Variants in DNAH6 observed in about 807,000 individuals in gnomAD.
DNAH6 encodes the protein dynein axonemal heavy chain 6.
A neutral mutation model predicts 491.4 loss-of-function variants in DNAH6; 340 were observed. The ratio of observed to expected loss-of-function variants is 0.69; its 90% CI spans 0.63 to 0.76. The LOEUF (loss-of-function observed/expected upper bound fraction) is 0.76. Ranked by LOEUF, DNAH6 falls within the 30% of genes least tolerant of loss-of-function variation. DNAH6 has a pLI of 0.00. For synonymous variants in DNAH6, 1,603 were observed against 1,686.1 expected (o/e 0.95, Z 1.21); for missense variants, 4,443 against 4,972.2 (o/e 0.89, Z 3.20).
At chr2:84,805,057 T>G (rs1344027977) in intron 70 of DNAH6, among the ~76,000 whole-genome samples, 1 of 152,256 alleles carries the variant, frequency 6.6e-6, no homozygotes, top group African/African-American at 2.4e-5. Flanking sequence ...AAGCAATCCC[T>G]TTTGGGCTAA....
intron 29 of DNAH6, among the ~76,000 whole-genome samples, chr2:84,626,808 G>A (rs984343605): frequency 6.6e-6 from 1 of 152,074 alleles, no homozygotes; most frequent in Admixed American, 6.6e-5. Context: ...TCACCATCTT[G>A]GCCAGGCTGG....
At position 84,701,274 on chromosome 2, in the gene DNAH6, T is replaced by G; in HGVS notation, c.7996T>G (p.Ser2666Ala). Residue 2666 changes from serine to alanine, a missense_variant, in exon 49 of 77, where the codon TCC becomes GCC. Ser to Ala is a moderately conservative substitution (Grantham distance 99). Transcript: ENST00000389394. ...LRRRYYTTPTSYLELINLYLS... is the reference protein window; with the variant it reads ...LRRRYYTTPTAYLELINLYLS... ...CAGGCGGTACTACACGACACCCACC[T>G]CCTACCTGGAGCTTATCAATCTTTA... is the stretch of plus-strand genomic sequence containing the variant. The G allele has an allele frequency of 1.3e-6, 2 of 1,551,896 alleles. No individual in the cohort carries two copies. Among genetic ancestry groups the G allele is most frequent in the Non-Finnish European group, 1.7e-6 (2 of 1,147,046 alleles).
At chr2:84,468,518 A>G in the DNAH6 span, among the ~76,000 whole-genome samples, 5 of 152,190 alleles carry the variant, frequency 3.3e-5, no homozygotes, top group African/African-American at 1.2e-4. Flanking sequence ...CAAATGACTG[A>G]TATTTCTGGC....
intron 7 of DNAH6, 49 bp from the exon 8 acceptor site, chr2:84,548,239 G>A (rs1252008859): frequency 1.3e-6 from 2 of 1,532,200 alleles, no homozygotes; most frequent in South Asian, 1.2e-5. Context: ...TGAAAGAGAT[G>A]GAACTTTTAC....
At chr2:84,654,523 C>T in intron 34 of DNAH6, 137 bp from the exon 35 acceptor site, 1 of 1,109,980 alleles carries the variant, frequency 9.0e-7, no homozygotes, top group Non-Finnish European at 1.3e-6. Context: ...ATTGCTCTCC[C>T]ACTCTCTTCC....
intron 13 of DNAH6, 72 bp downstream of exon 13, chr2:84,577,480 C>T: frequency 9.0e-7 from 1 of 1,109,932 alleles, no homozygotes; most frequent in Non-Finnish European, 1.2e-6. Flanking sequence ...TGCACAAAAA[C>T]CTAGTATTTA....
At chr2:84,556,522 C>T (rs1275856487) in intron 10 of DNAH6, among the ~76,000 whole-genome samples, 1 of 152,162 alleles carries the variant, frequency 6.6e-6, no homozygotes. Flanking sequence ...AAAGACTTAC[C>T]TTTTCTTTAT....
chr2:84,774,959 TG>T (rs1675984621), intron 64 of DNAH6, among the ~76,000 whole-genome samples: 2 of 151,856 alleles, frequency 1.3e-5, no homozygotes, highest in Admixed American at 6.6e-5. Flanking sequence ...GAAGAAAGAT[TG>T]TTTGAGTTCT....
At chr2:84,552,449 T>A (rs1679485383) in intron 9 of DNAH6, among the ~76,000 whole-genome samples, 1 of 152,184 alleles carries the variant, frequency 6.6e-6, no homozygotes, top group African/African-American at 2.4e-5. Context: ...AAGAGAAGAA[T>A]AAGGAGGTGA....
At chr2:84,499,579 A>G in the DNAH6 span, among the ~76,000 whole-genome samples, 1 of 152,188 alleles carries the variant, frequency 6.6e-6, no homozygotes, top group Admixed American at 6.5e-5. Flanking sequence ...GCTGGAGCAT[A>G]TGTTAGCTCA....
At position 84,817,824 on chromosome 2, in the gene DNAH6, G is replaced by T. The variant is rs141299789; in HGVS notation, c.12374-1481G>T. On this transcript the variant is annotated intron_variant, in intron 76 of 76. Transcript: ENST00000389394. ...CCATGGCAAGAGAGGAAGTAGGCAA[G>T]ATGGGAGGGAGGCGCCAGACTCTTT... Among the ~76,000 whole-genome samples the T allele has an allele frequency of 2.4e-3, 362 of 152,238 alleles. 1 individual carries two copies. The highest frequency in any genetic ancestry group is 2.9e-3 in the Non-Finnish European group (198 of 68,026).
intron 22 of DNAH6, among the ~76,000 whole-genome samples, chr2:84,614,070 G>C (rs1368035088): frequency 3.3e-5 from 5 of 151,892 alleles, no homozygotes; most frequent in African/African-American, 1.2e-4. Context: ...AACAGGTGGT[G>C]TATGGTTCTA....
chr2:84,712,089 T>C lies in DNAH6; in HGVS notation c.9379-1006T>C, dbSNP rs538302893. Among the ~76,000 whole-genome samples the C allele has an allele frequency of 2.0e-5, 3 of 152,356 alleles. 1 individual carries two copies. The highest frequency in any genetic ancestry group is 6.8e-3 in the Middle Eastern group (2 of 294). On this transcript the variant is annotated intron_variant, in intron 56 of 76. Coordinates refer to ENST00000389394, the MANE Select transcript of DNAH6 (RefSeq NM_001370.2). Reference sequence around the variant, plus strand: ...CCAGTCCTCCCCAACTCTCTGTGTCTTGGGGTCATCAGCATTATACACCTA... The same window carrying C: ...CCAGTCCTCCCCAACTCTCTGTGTCCTGGGGTCATCAGCATTATACACCTA...
At chr2:84,648,498 TG>T (rs761115236) in intron 33 of DNAH6, among the ~76,000 whole-genome samples, 7 of 152,262 alleles carry the variant, frequency 4.6e-5, no homozygotes, top group Non-Finnish European at 7.3e-5. Context: ...TCATGATTCA[TG>T]GTAAGACAGA....
chr2:84,650,118 A>T (rs1304353816), intron 33 of DNAH6, among the ~76,000 whole-genome samples: 1 of 151,494 alleles, frequency 6.6e-6, no homozygotes, highest in Non-Finnish European at 1.5e-5. Flanking sequence ...TTGTATCTTC[A>T]TATGGATTTC....
Position 84,616,954 on chromosome 2 carries a change from T to C in DNAH6, c.3544T>C (p.Leu1182=). The C allele has an allele frequency of 6.7e-7, 1 of 1,499,218 alleles. No homozygotes were observed. The highest frequency in any genetic ancestry group is 8.9e-7 in the Non-Finnish European group (1 of 1,127,236). 92.9% of individuals were successfully genotyped at this position (1,499,218 alleles called of 1,614,324 possible). A position where few individuals can be genotyped will look rare whatever the true frequency, so the allele number is the denominator to read the frequency against. Reference sequence around the variant, plus strand: ...AATTCAGAAGTGCCTAGAGGCATACTTAGAATCAAAAAGAGTTATCTTTCC... The same window carrying C: ...AATTCAGAAGTGCCTAGAGGCATACCTAGAATCAAAAAGAGTTATCTTTCC... The part of the protein sequence containing the change: ...DQIQKCLEAY[L]ESKRVIFPRF... The change falls in exon 23 of 77, where the codon TTA becomes CTA. Residue 1182 remains leucine, a synonymous_variant. Coordinates refer to ENST00000389394, the MANE Select transcript of DNAH6 (RefSeq NM_001370.2).
At chr2:84,461,386 C>A in the DNAH6 span, among the ~76,000 whole-genome samples, 1 of 152,302 alleles carries the variant, frequency 6.6e-6, no homozygotes, top group South Asian at 2.1e-4. Flanking sequence ...AAAATAGCAG[C>A]CCAACCCTCA....
chr2:84,715,512 A>G (rs1409685821), intron 57 of DNAH6, 48 bp from the exon 58 acceptor site: 2 of 1,516,708 alleles, frequency 1.3e-6, no homozygotes, highest in Admixed American at 3.9e-5. Context: ...AAGGTATTTT[A>G]TTAGTTTGCA....
chr2:84,562,338 G>T (rs1346284249), intron 11 of DNAH6, among the ~76,000 whole-genome samples: 1 of 152,096 alleles, frequency 6.6e-6, no homozygotes, highest in Non-Finnish European at 1.5e-5. Flanking sequence ...GTAATGTGAT[G>T]AATATAAATG....
Sources: gnomAD v4.1 joint callset for allele counts (sites outside exome capture counted in the v4.1 genomes callset) on GRCh38, gnomAD v4.1.1 for gene constraint, MANE v1.5 for transcripts, NCBI Gene and HGNC (gene_info 2026-07-23, HGNC 2026-07-21) for gene names.